Variants in KCNH5 observed in about 807,000 individuals in gnomAD.
KCNH5 encodes voltage-gated delayed rectifier potassium channel KCNH5.
Under a neutral mutation model 96.1 loss-of-function variants are expected in KCNH5, and 46 were observed. The observed-to-expected ratio is 0.48, with a 90% CI of 0.38 to 0.61. KCNH5 has a LOEUF of 0.61. KCNH5 is among the 20% of genes least tolerant of loss of function. KCNH5 has a pLI of 0.00. For missense variants in KCNH5, 907 were observed against 1,225.8 expected (o/e 0.74, Z 3.88); for synonymous variants, 439 against 449.8 (o/e 0.98, Z 0.30).
At chr14:62,856,803 A>G (rs1887938972) in intron 7 of KCNH5, among the ~76,000 whole-genome samples, 1 of 147,358 alleles carries the variant, frequency 6.8e-6, no homozygotes, top group Admixed American at 6.9e-5. Flanking sequence ...CTTAATCTAC[A>G]CCCCATTCCA....
intron 7 of KCNH5, among the ~76,000 whole-genome samples, chr14:62,865,558 G>T (rs1888118671): frequency 6.6e-6 from 1 of 152,170 alleles, no homozygotes; most frequent in Admixed American, 6.5e-5. Flanking sequence ...ACTTAAGTCA[G>T]AGGACTCTAA....
At chr14:63,027,709 C>T (rs1444726666) in intron 1 of KCNH5, among the ~76,000 whole-genome samples, 2 of 151,730 alleles carry the variant, frequency 1.3e-5, no homozygotes, top group African/African-American at 4.8e-5. Flanking sequence ...AAAAGTATTG[C>T]AATATAGTAA....
At chr14:63,004,189 A>G (rs1427031260) in intron 3 of KCNH5, among the ~76,000 whole-genome samples, 1 of 152,194 alleles carries the variant, frequency 6.6e-6, no homozygotes, top group Admixed American at 6.5e-5. Context: ...CTTTTTTTAA[A>G]TCACAAAAAT....
intron 6 of KCNH5, among the ~76,000 whole-genome samples, chr14:62,959,180 T>C (rs573588979): frequency 1.3e-5 from 2 of 151,998 alleles, no homozygotes; most frequent in Admixed American, 1.3e-4. Flanking sequence ...GCATAATAAT[T>C]CCCCCATTTA....
At chr14:62,886,030 C>T (rs1888588624) in intron 7 of KCNH5, among the ~76,000 whole-genome samples, 1 of 152,014 alleles carries the variant, frequency 6.6e-6, no homozygotes. Context: ...GTTGCCAACA[C>T]CTGTCTGTTT....
chr14:62,761,107 C>T (rs982275826), intron 10 of KCNH5, among the ~76,000 whole-genome samples: 1 of 152,148 alleles, frequency 6.6e-6, no homozygotes, highest in East Asian at 1.9e-4. Flanking sequence ...GTAATCCCAG[C>T]CCTTTGGGAG....
chr14:62,883,779 A>G (rs1298171681), intron 7 of KCNH5, among the ~76,000 whole-genome samples: 1 of 151,882 alleles, frequency 6.6e-6, no homozygotes, highest in East Asian at 1.9e-4. Flanking sequence ...TAATACTATT[A>G]CAATAATATA....
At chr14:63,023,417 T>C (rs1271974073) in intron 1 of KCNH5, among the ~76,000 whole-genome samples, 1 of 152,174 alleles carries the variant, frequency 6.6e-6, no homozygotes, top group African/African-American at 2.4e-5. Flanking sequence ...ATTGGTATTA[T>C]AAAATTTATT....
At chr14:62,744,058 T>C (rs184238640) in intron 10 of KCNH5, among the ~76,000 whole-genome samples, 16 of 152,334 alleles carry the variant, frequency 1.1e-4, no homozygotes, top group Non-Finnish European at 1.5e-4. Context: ...TGAAAGGCTT[T>C]ATTAGTAAAG....
At position 63,034,593 on chromosome 14, in the gene KCNH5, T is replaced by C. The variant is rs115762024; in HGVS notation, c.73+10521A>G. 2.8e-3 allele frequency among the ~76,000 whole-genome samples: 426 copies of C among 152,334 alleles called. 2 individuals are homozygous for C. The highest frequency in any genetic ancestry group is 9.8e-3 in the African/African-American group (406 of 41,592). ...GGCAACATTAAGCAGACCATCACTG[T>C]AGGAGTTTGAAATATGCAAAAATAT... is the stretch of plus-strand genomic sequence containing the variant. On this transcript the variant is annotated intron_variant, in intron 1 of 10. Transcript: ENST00000322893.
intron 10 of KCNH5, among the ~76,000 whole-genome samples, chr14:62,760,634 A>C (rs942564355): frequency 2.0e-5 from 3 of 152,238 alleles, no homozygotes; most frequent in African/African-American, 4.8e-5. Flanking sequence ...TGGATGAATC[A>C]AGTACAACCT....
chr14:62,749,693 G>A (rs1885455126), intron 10 of KCNH5, among the ~76,000 whole-genome samples: 1 of 152,200 alleles, frequency 6.6e-6, no homozygotes, highest in South Asian at 2.1e-4. Context: ...CTGAGCTGCA[G>A]ATTTCCCTTA....
intron 7 of KCNH5, among the ~76,000 whole-genome samples, chr14:62,903,114 G>T (rs188444745): frequency 1.2e-4 from 18 of 152,252 alleles, no homozygotes; most frequent in Non-Finnish European, 2.1e-4. Flanking sequence ...ACACCACCAA[G>T]CCTATTATTT....
At chr14:62,757,016 T>C (rs1885638572) in intron 10 of KCNH5, among the ~76,000 whole-genome samples, 1 of 152,160 alleles carries the variant, frequency 6.6e-6, no homozygotes, top group Middle Eastern at 3.4e-3. Context: ...ACCCACAGAA[T>C]TGGAGAAAAT....
At chr14:62,983,980 GAA>G (rs1396141551) in intron 5 of KCNH5, among the ~76,000 whole-genome samples, 1 of 152,140 alleles carries the variant, frequency 6.6e-6, no homozygotes, top group African/African-American at 2.4e-5. Context: ...GGAGGAGGAA[GAA>G]GAGGAAAATG....
intron 1 of KCNH5, among the ~76,000 whole-genome samples, chr14:63,025,343 C>T (rs1005119752): frequency 1.3e-5 from 2 of 152,058 alleles, no homozygotes; most frequent in African/African-American, 4.8e-5. Context: ...CTTACCACTT[C>T]TGTTCAATTT....
intron 9 of KCNH5, among the ~76,000 whole-genome samples, chr14:62,790,275 C>T: frequency 6.6e-6 from 1 of 151,720 alleles, no homozygotes; most frequent in Non-Finnish European, 1.5e-5. Flanking sequence ...CTTTTTTATG[C>T]CAGTACCATA....
At chr14:62,895,899 C>T (rs953108569) in intron 7 of KCNH5, among the ~76,000 whole-genome samples, 3 of 152,100 alleles carry the variant, frequency 2.0e-5, no homozygotes, top group Admixed American at 6.5e-5. Context: ...TCTATGAACT[C>T]CTGAAGCAGA....
chr14:62,953,617 A>C (rs1399831539), intron 6 of KCNH5, among the ~76,000 whole-genome samples: 1 of 152,182 alleles, frequency 6.6e-6, no homozygotes, highest in Non-Finnish European at 1.5e-5. Flanking sequence ...CCTGGGGCGA[A>C]GCCTCAACTT....
Sources: allele counts gnomAD v4.1 joint callset (sites outside exome capture counted in the v4.1 genomes callset), GRCh38; gene constraint gnomAD v4.1.1; transcripts MANE v1.5; gene names NCBI Gene and HGNC (gene_info 2026-07-23, HGNC 2026-07-21).